Variants in SMIM31 observed in about 807,000 individuals in gnomAD.
The protein encoded by SMIM31 is human epithelial cell program regulator.
At chr4:164,757,170 G>T (rs745498519) in intron 1 of SMIM31, among the ~76,000 whole-genome samples, 5 of 152,056 alleles carry the variant, frequency 3.3e-5, no homozygotes, top group African/African-American at 1.2e-4. Context: ...GATGAATGTC[G>T]TTAAGCATTT....
chr4:164,760,831 A>C (rs1732639872), intron 1 of SMIM31, among the ~76,000 whole-genome samples: 2 of 151,956 alleles, frequency 1.3e-5, no homozygotes, highest in African/African-American at 4.8e-5. Context: ...GTCAAGGATG[A>C]CTTTGAGGAT....
chr4:164,767,473 A>G (rs1732734981), intron 1 of SMIM31, among the ~76,000 whole-genome samples: 1 of 152,208 alleles, frequency 6.6e-6, no homozygotes, highest in South Asian at 2.1e-4. Context: ...CCTAACCCTT[A>G]GAGAAGCTGT....
rs11732809 is a variant in SMIM31 at position 164,801,332 on chromosome 4, A to T, written c.*138A>T. ...CTGATTAAACACGATGATAATAACC[A>T]TTAATGAACTCAATACTCGGGAAAG... is the stretch of plus-strand genomic sequence containing the variant. On this transcript the variant is annotated 3_prime_UTR_variant, in exon 3 of 3. Transcript: ENST00000507311. The T allele has an allele frequency of 0.72, 284,567 of 392,664 alleles. 105,193 individuals carry two copies. Among genetic ancestry groups the T allele is most frequent in the Non-Finnish European group, 0.79 (177,165 of 222,900 alleles). The allele number at this position is 392,664 out of a possible 1,614,324, so 24.3% of individuals were successfully genotyped here.
intron 1 of SMIM31, among the ~76,000 whole-genome samples, chr4:164,760,684 G>A (rs533609345): frequency 3.4e-5 from 5 of 145,072 alleles, no homozygotes; most frequent in African/African-American, 1.3e-4. Context: ...AGGTTGCAGT[G>A]AGCTGAGATA....
intron 2 of SMIM31, among the ~76,000 whole-genome samples, chr4:164,773,948 C>A (rs1403519487): frequency 6.6e-6 from 1 of 152,072 alleles, no homozygotes; most frequent in Admixed American, 6.5e-5. Context: ...GGGCGGATCA[C>A]AAGGTCAGGA....
chr4:164,779,967 C>T (rs1732926198), intron 2 of SMIM31, among the ~76,000 whole-genome samples: 1 of 152,110 alleles, frequency 6.6e-6, no homozygotes, highest in East Asian at 1.9e-4. Context: ...CACCCGAATC[C>T]AAGAAAAATA....
intron 1 of SMIM31, among the ~76,000 whole-genome samples, chr4:164,755,539 A>AGGAGGGGAGGGGAGGGGAGG (rs1164803304): frequency 8.7e-5 from 1 of 11,438 alleles, no homozygotes. Context: ...GGGAGAGGAG[A>AGGAGGGGAGGGGAGGGGAGG]GGAGGGGAGG....
intron 2 of SMIM31, among the ~76,000 whole-genome samples, chr4:164,784,128 G>A (rs927479745): frequency 6.6e-6 from 1 of 152,198 alleles, no homozygotes; most frequent in African/African-American, 2.4e-5. Context: ...AGTTGGGGGC[G>A]AGGGCCCAGC....
chr4:164,762,908 T>C (rs1472624890), intron 1 of SMIM31, among the ~76,000 whole-genome samples: 1 of 152,164 alleles, frequency 6.6e-6, no homozygotes, highest in Non-Finnish European at 1.5e-5. Flanking sequence ...TAAAGATACC[T>C]GAATTCATGC....
intron 1 of SMIM31, among the ~76,000 whole-genome samples, chr4:164,765,893 T>C (rs1732713974): frequency 6.6e-6 from 1 of 152,202 alleles, no homozygotes; most frequent in African/African-American, 2.4e-5. Flanking sequence ...TTTCTTTAGA[T>C]GAAGGCAGTC....
chr4:164,790,738 A>G (rs555046565), intron 2 of SMIM31, among the ~76,000 whole-genome samples: 1 of 152,336 alleles, frequency 6.6e-6, no homozygotes, highest in African/African-American at 2.4e-5. Flanking sequence ...CTTTTTGGGT[A>G]TATTCACCTG....
At chr4:164,790,287 T>G (rs73875027) in intron 2 of SMIM31, among the ~76,000 whole-genome samples, 3,120 of 152,262 alleles carry the variant, frequency 0.02, 79 homozygotes, top group African/African-American at 0.069. Flanking sequence ...CTGATTTGAA[T>G]GATACTGTAT....
chr4:164,760,874 T>C (rs1002844215), intron 1 of SMIM31, among the ~76,000 whole-genome samples: 2 of 152,044 alleles, frequency 1.3e-5, no homozygotes, highest in African/African-American at 4.8e-5. Context: ...ATGGAGCTAC[T>C]GTCAATGAAA....
chr4:164,792,614 A>G (rs1733117040), intron 2 of SMIM31, among the ~76,000 whole-genome samples: 1 of 152,260 alleles, frequency 6.6e-6, no homozygotes, highest in East Asian at 1.9e-4. Context: ...TTTTTGTTTA[A>G]CATTATTAAT....
chr4:164,800,497 T>C (rs957612458), intron 2 of SMIM31, among the ~76,000 whole-genome samples: 9 of 152,180 alleles, frequency 5.9e-5, no homozygotes, highest in African/African-American at 2.2e-4. Context: ...CATGATCCAT[T>C]GCACCTGGAC....
At chr4:164,768,494 C>A (rs1732750983) in intron 1 of SMIM31, among the ~76,000 whole-genome samples, 1 of 150,350 alleles carries the variant, frequency 6.7e-6, no homozygotes, top group African/African-American at 2.4e-5. Context: ...GAGGCAGGAA[C>A]TCACCACACA....
In SMIM31 at chr4:164,757,029, A is replaced by G. The variant is rs547149655; in HGVS notation, c.-26+2618A>G. ...TTTTCAAAGGAATTGTATCATTTTAACACCCTAACATTGTATGAGCATTTC... is the reference window on the plus strand; with the variant it reads ...TTTTCAAAGGAATTGTATCATTTTAGCACCCTAACATTGTATGAGCATTTC... On this transcript the variant is annotated intron_variant, in intron 1 of 2. Transcript: ENST00000507311. 2.6e-5 allele frequency among the ~76,000 whole-genome samples: 4 copies of G among 152,310 alleles called. No homozygotes were observed. In the South Asian group the frequency reaches 8.3e-4, roughly 32 times the overall value.
intron 1 of SMIM31, among the ~76,000 whole-genome samples, chr4:164,769,103 C>T (rs996393177): frequency 6.6e-6 from 1 of 152,124 alleles, no homozygotes; most frequent in Non-Finnish European, 1.5e-5. Context: ...TTCTGCCCTT[C>T]CATCAAATCG....
At chr4:164,776,868 A>G (rs935764121) in intron 2 of SMIM31, among the ~76,000 whole-genome samples, 14 of 152,192 alleles carry the variant, frequency 9.2e-5, no homozygotes, top group African/African-American at 3.4e-4. Flanking sequence ...TTTTTACCTA[A>G]TAATAGTTCA....
Sources: allele counts gnomAD v4.1 joint callset (sites outside exome capture counted in the v4.1 genomes callset), GRCh38; gene constraint gnomAD v4.1.1; transcripts MANE v1.5; gene names NCBI Gene and HGNC (gene_info 2026-07-23, HGNC 2026-07-21).